SIPA1L2: variants seen among roughly 807,000 people sequenced by gnomAD.
SIPA1L2 encodes the protein signal-induced proliferation-associated 1-like protein 2.
Under a neutral mutation model 163.9 loss-of-function variants are expected in SIPA1L2, and 56 were observed. The observed-to-expected ratio is 0.34, with a 90% CI of 0.28 to 0.43. The LOEUF (loss-of-function observed/expected upper bound fraction) is 0.43, where lower values mean the gene tolerates loss of function less well. Among genes scored for constraint, SIPA1L2 ranks in the 20% least tolerant of loss-of-function variants. The pLI, the probability that SIPA1L2 is intolerant of heterozygous loss-of-function variation, is 1.00. For missense variants in SIPA1L2, 1,974 were observed against 2,193.5 expected, an observed-to-expected ratio of 0.90 and a Z score of 2.00; for synonymous variants, 877 against 865.7, an observed-to-expected ratio of 1.01 and a Z score of -0.23.
chr1:232,436,263 T>C (rs925084248), intron 15 of SIPA1L2, among the ~76,000 whole-genome samples: 1 of 152,184 alleles, frequency 6.6e-6, no homozygotes. Context: ...GCGAACAAGA[T>C]AGGCCACGAC....
At chr1:232,464,808 G>A (rs896875139) in intron 9 of SIPA1L2, 32 bp downstream of exon 9, 4 of 1,515,620 alleles carry the variant, frequency 2.6e-6, no homozygotes, top group Admixed American at 2.1e-5. Context: ...GAAAACATAA[G>A]GATGGCGGGA....
At position 232,506,427 on chromosome 1, in the gene SIPA1L2, C is replaced by G. The variant is rs149864908; in HGVS notation, c.1483+7430G>C. On this transcript the variant is annotated intron_variant, in intron 3 of 22. Transcript: ENST00000674635. ...ATGTGAACCTCAGTGTGCACTCTGC[C>G]TTAAGTGATGTCATTTGCCCGCCAT... 5.4e-4 allele frequency among the ~76,000 whole-genome samples: 82 copies of G among 152,238 alleles called. 1 individual carries two copies. In the East Asian group the frequency reaches 0.013, roughly 25 times the overall value.
intron 2 of SIPA1L2, among the ~76,000 whole-genome samples, chr1:232,528,968 A>G (rs1159228779): frequency 6.6e-6 from 1 of 152,218 alleles, no homozygotes; most frequent in Non-Finnish European, 1.5e-5. Context: ...TGAGATCTTA[A>G]GGGAGATAAT....
Position 232,441,399 on chromosome 1 carries a change from C to T in SIPA1L2, c.3539-5G>A, listed in dbSNP as rs1395988454. The T allele has an allele frequency of 6.3e-7, 1 of 1,598,946 alleles. No individual in the cohort carries two copies. The highest frequency in any genetic ancestry group is 1.4e-5 in the African/African-American group (1 of 73,784). On this transcript the variant is annotated splice_region_variant and splice_polypyrimidine_tract_variant and intron_variant, in intron 13 of 22. Coordinates refer to ENST00000674635, the MANE Select transcript of SIPA1L2 (RefSeq NM_020808.5). The stretch of plus-strand genomic sequence containing the variant: ...GTGGGCCATGCCATTTGGTTTCTGT[C>T]ACATAAAAAGAGAGGAGTTGAATTT...
intron 1 of SIPA1L2, among the ~76,000 whole-genome samples, chr1:232,589,950 A>G (rs1297912015): frequency 6.6e-6 from 1 of 152,230 alleles, no homozygotes; most frequent in East Asian, 1.9e-4. Flanking sequence ...CTAAACAGAC[A>G]CTTCCTGCAG....
intron 18 of SIPA1L2, among the ~76,000 whole-genome samples, chr1:232,423,020 T>C (rs1160352176): frequency 6.6e-6 from 1 of 152,198 alleles, no homozygotes; most frequent in Admixed American, 6.5e-5. Flanking sequence ...TTTTGAACTT[T>C]TCCCTGGCTA....
intron 2 of SIPA1L2, among the ~76,000 whole-genome samples, chr1:232,517,787 C>T (rs74828871): frequency 0.021 from 3,271 of 152,284 alleles, 122 homozygotes; most frequent in African/African-American, 0.075. Context: ...ACACCTATAA[C>T]GCCAGCACTT....
At chr1:232,431,668 AT>A (rs1413438307) in intron 16 of SIPA1L2, among the ~76,000 whole-genome samples, 2 of 152,100 alleles carry the variant, frequency 1.3e-5, no homozygotes, top group African/African-American at 2.4e-5. Context: ...CTTGAATGCA[AT>A]TTATTTACCT....
intron 1 of SIPA1L2, among the ~76,000 whole-genome samples, chr1:232,617,603 A>G (rs1430082898): frequency 6.6e-6 from 1 of 152,242 alleles, no homozygotes; most frequent in East Asian, 1.9e-4. Flanking sequence ...TTCCATTTAC[A>G]TCACATGCAA....
intron 10 of SIPA1L2, among the ~76,000 whole-genome samples, chr1:232,450,770 T>C (rs1463726450): frequency 6.6e-6 from 1 of 152,338 alleles, no homozygotes; most frequent in South Asian, 2.1e-4. Context: ...TTCATGCCCA[T>C]AGACTGTAGT....
rs12021994 is a variant in SIPA1L2, at chr1:232,411,556, T to C, written c.4762+3938A>G. Among the ~76,000 whole-genome samples, 5,259 of 152,306 alleles carry C rather than the reference T, an allele frequency of 0.035. 743 individuals are homozygous for C. In the East Asian group the frequency reaches 0.48, roughly 14 times the overall value. ...AGAAAAACTCAGGTTGTTAGTTTTA[T>C]TTATAAATTGCAGTGTAATTTCAAT... On this transcript the variant is annotated intron_variant, in intron 19 of 22. Transcript: ENST00000674635.
intron 2 of SIPA1L2, among the ~76,000 whole-genome samples, chr1:232,559,882 A>T (rs1435351437): frequency 6.6e-6 from 1 of 152,236 alleles, no homozygotes; most frequent in East Asian, 1.9e-4. Context: ...CTATAGACTA[A>T]TTCAATGCAG....
chr1:232,482,478 C>T (rs574250593), intron 6 of SIPA1L2, among the ~76,000 whole-genome samples: 2 of 151,602 alleles, frequency 1.3e-5, no homozygotes, highest in African/African-American at 4.8e-5. Flanking sequence ...AGGTCTCATT[C>T]GTCTTTCTTA....
intron 1 of SIPA1L2, among the ~76,000 whole-genome samples, chr1:232,611,923 A>G (rs1378723972): frequency 6.6e-6 from 1 of 152,204 alleles, no homozygotes; most frequent in East Asian, 1.9e-4. Context: ...CTCCCATCAC[A>G]GGCCCAGAAA....
intron 2 of SIPA1L2, among the ~76,000 whole-genome samples, chr1:232,521,865 C>T (rs563571033): frequency 4.6e-5 from 7 of 152,264 alleles, no homozygotes; most frequent in African/African-American, 1.7e-4. Context: ...CATATGCCAT[C>T]TCTATGCTGA....
At position 232,422,757 on chromosome 1, in the gene SIPA1L2, C is replaced by T. The variant is rs188619654; in HGVS notation, c.4630+2832G>A. Among the ~76,000 whole-genome samples the T allele has an allele frequency of 6.4e-4, 97 of 152,306 alleles. 1 individual carries two copies. The highest frequency in any genetic ancestry group is 2.6e-4 in the Non-Finnish European group (18 of 68,018). ...CTCTCTGAGAAACTAAGAGAAACTACTGGGCAACTTCAAATATTCCTCATT... is the reference window on the plus strand; with the variant it reads ...CTCTCTGAGAAACTAAGAGAAACTATTGGGCAACTTCAAATATTCCTCATT... On this transcript the variant is annotated intron_variant, in intron 18 of 22. Coordinates refer to ENST00000674635, the MANE Select transcript of SIPA1L2 (RefSeq NM_020808.5).
chr1:232,528,378 T>G (rs1242068009), intron 2 of SIPA1L2, among the ~76,000 whole-genome samples: 1 of 152,120 alleles, frequency 6.6e-6, no homozygotes, highest in Non-Finnish European at 1.5e-5. Flanking sequence ...TCCAAGTTGC[T>G]TCATTTTTTT....
intron 2 of SIPA1L2, among the ~76,000 whole-genome samples, chr1:232,570,934 G>A: frequency 7.0e-6 from 1 of 143,774 alleles, no homozygotes; most frequent in Non-Finnish European, 1.5e-5. Flanking sequence ...TGAGAATCAG[G>A]CCAGAAACTA....
Position 232,514,790 on chromosome 1 carries a change from T to C in SIPA1L2, c.550A>G (p.Thr184Ala). The C allele has an allele frequency of 6.2e-7, 1 of 1,614,086 alleles. No individual in the cohort carries two copies. Among genetic ancestry groups the C allele is most frequent in the Non-Finnish European group, 8.5e-7 (1 of 1,180,006 alleles). ...TACTCCCTGTGCAGGGCAGCCCCGG[T>C]GTTGGGGTTGACTGCATTTTGGTCT... is the stretch of plus-strand genomic sequence containing the variant. ...VLDQNAVNPNTGAALHREYGS... is the reference protein window; with the variant it reads ...VLDQNAVNPNAGAALHREYGS... The change falls in exon 3 of 23, where the codon ACC (threonine) becomes GCC (alanine). Residue 184 changes from threonine (T) to alanine (A), a missense_variant. Thr to Ala is a moderately conservative substitution (Grantham distance 58, BLOSUM62 0). This residue lies in a region of SIPA1L2 where 607 missense variants were observed against 624.0 expected (regional missense o/e 0.97). Coordinates refer to ENST00000674635, the MANE Select transcript of SIPA1L2 (RefSeq NM_020808.5).
Sources: allele counts gnomAD v4.1 joint callset (sites outside exome capture counted in the v4.1 genomes callset), GRCh38; gene constraint gnomAD v4.1.1; regional missense constraint gnomAD v4.1.1; transcripts MANE v1.5; gene names NCBI Gene and HGNC (gene_info 2026-07-23, HGNC 2026-07-21).